RUNX1: variants seen among roughly 807,000 people sequenced by gnomAD.
RUNX1 encodes the protein runt-related transcription factor 1.
Under a neutral mutation model 42.8 loss-of-function variants are expected in RUNX1, and 19 were observed. The ratio of observed to expected loss-of-function variants is 0.44; its 90% CI spans 0.31 to 0.65. The LOEUF (loss-of-function observed/expected upper bound fraction) is 0.65. Among genes scored for constraint, RUNX1 ranks in the 30% least tolerant of loss-of-function variants. The pLI is 0.07. For missense variants in RUNX1, 528 were observed against 672.0 expected, an observed-to-expected ratio of 0.79 and a Z score of 2.37; for synonymous variants, 271 against 289.4, an observed-to-expected ratio of 0.94 and a Z score of 0.64.
intron 2 of RUNX1, among the ~76,000 whole-genome samples, chr21:35,008,422 G>C (rs533284554): frequency 6.6e-6 from 1 of 152,200 alleles, no homozygotes; most frequent in Non-Finnish European, 1.5e-5. Flanking sequence ...ATACGTGAGG[G>C]TGACTTGAGG....
chr21:34,816,899 G>A (rs190977377), intron 7 of RUNX1, among the ~76,000 whole-genome samples: 1 of 152,152 alleles, frequency 6.6e-6, no homozygotes, highest in African/African-American at 2.4e-5. Context: ...GCACCTTGTG[G>A]CCCAGAACAA....
At chr21:34,821,516 C>T (rs1357569350) in intron 7 of RUNX1, 2 of 1,502,184 alleles carry the variant, frequency 1.3e-6, no homozygotes, top group African/African-American at 1.4e-5. Flanking sequence ...GGAGAAGGGA[C>T]ACGGAGGAAT....
intron 2 of RUNX1, among the ~76,000 whole-genome samples, chr21:34,930,015 T>C (rs1190803969): frequency 6.6e-6 from 1 of 151,528 alleles, no homozygotes; most frequent in African/African-American, 2.4e-5. Flanking sequence ...ATGAATGACA[T>C]ATGTTTCAAG....
intron 2 of RUNX1, among the ~76,000 whole-genome samples, chr21:34,912,447 T>C (rs2058279831): frequency 6.6e-6 from 1 of 152,022 alleles, no homozygotes; most frequent in Non-Finnish European, 1.5e-5. Context: ...TCTGGCATAG[T>C]GGCAACCACA....
chr21:34,913,157 C>T (rs934236754), intron 2 of RUNX1, among the ~76,000 whole-genome samples: 19 of 152,190 alleles, frequency 1.2e-4, no homozygotes, highest in African/African-American at 3.9e-4. Flanking sequence ...TGCTTGAACC[C>T]GGGAGATGGA....
intron 2 of RUNX1, among the ~76,000 whole-genome samples, chr21:34,976,651 T>C (rs139678435): frequency 1.4e-4 from 22 of 152,268 alleles, no homozygotes; most frequent in Non-Finnish European, 3.1e-4. Flanking sequence ...CCTAGCCAAA[T>C]AGGTTGACAA....
At chr21:34,808,691 G>A (rs2056717237) in intron 7 of RUNX1, among the ~76,000 whole-genome samples, 1 of 152,174 alleles carries the variant, frequency 6.6e-6, no homozygotes. Flanking sequence ...AACGCAAAAT[G>A]CAATTCCTCA....
intron 2 of RUNX1, among the ~76,000 whole-genome samples, chr21:35,014,277 G>A (rs991621805): frequency 3.9e-5 from 6 of 152,076 alleles, no homozygotes; most frequent in Non-Finnish European, 5.9e-5. Flanking sequence ...TTCATGTTGC[G>A]TGCCATACAT....
chr21:35,022,472 CAT>C (rs1395273605), intron 2 of RUNX1, among the ~76,000 whole-genome samples: 3 of 152,346 alleles, frequency 2.0e-5, no homozygotes, highest in South Asian at 4.1e-4. Context: ...TGACTTATAA[CAT>C]GTGCAGATTT....
At chr21:34,905,945 T>G (rs1601554704) in intron 2 of RUNX1, among the ~76,000 whole-genome samples, 1 of 152,210 alleles carries the variant, frequency 6.6e-6, no homozygotes, top group Admixed American at 6.5e-5. Flanking sequence ...GCCCTGAGTA[T>G]GTATACCTCA....
At chr21:34,998,811 G>A (rs1256842272) in intron 2 of RUNX1, among the ~76,000 whole-genome samples, 3 of 152,182 alleles carry the variant, frequency 2.0e-5, no homozygotes, top group Non-Finnish European at 4.4e-5. Context: ...AAAGTGCTGG[G>A]ATTACAGGCG....
At chr21:34,925,467 C>G (rs1228295682) in intron 2 of RUNX1, among the ~76,000 whole-genome samples, 1 of 152,136 alleles carries the variant, frequency 6.6e-6, no homozygotes, top group Non-Finnish European at 1.5e-5. Flanking sequence ...TGGGAAGACA[C>G]AGACACAATG....
At position 34,880,645 on chromosome 21, in the gene RUNX1, G is replaced by A. The variant is rs2146362481; in HGVS notation, c.420C>T (p.Tyr140=). ...CGGTAGCATTTCTCAGCTCAGCCGA[G>A]TAGTTTTCATCATTGCCAGCCATCA... is the stretch of plus-strand genomic sequence containing the variant. ...VTVMAGNDEN[Y]SAELRNATAA... is the part of the protein sequence containing the mutation. Residue 140 remains tyrosine, a synonymous_variant, in exon 5 of 9, where the codon TAC becomes TAT. Transcript: ENST00000675419. 1 of 1,614,112 alleles carries A rather than the reference G, an allele frequency of 6.2e-7. No individual in the cohort carries two copies. The highest frequency in any genetic ancestry group is 1.3e-5 in the African/African-American group (1 of 75,030).
intron 2 of RUNX1, among the ~76,000 whole-genome samples, chr21:34,940,781 G>A (rs2058521072): frequency 6.6e-6 from 1 of 152,202 alleles, no homozygotes; most frequent in South Asian, 2.1e-4. Flanking sequence ...AGTGGTGCAG[G>A]AATTTAGACA....
chr21:34,878,983 A>G (rs1437773261), intron 5 of RUNX1, among the ~76,000 whole-genome samples: 1 of 152,240 alleles, frequency 6.6e-6, no homozygotes, highest in Non-Finnish European at 1.5e-5. Context: ...TAGAAAAGCA[A>G]TTCAATGATA....
intron 2 of RUNX1, among the ~76,000 whole-genome samples, chr21:35,020,094 C>T (rs1352538745): frequency 6.6e-6 from 1 of 151,936 alleles, no homozygotes; most frequent in Non-Finnish European, 1.5e-5. Flanking sequence ...TGATTTAATA[C>T]TGTATATATA....
intron 2 of RUNX1, among the ~76,000 whole-genome samples, chr21:35,047,777 A>C (rs1568814798): frequency 6.6e-6 from 1 of 152,258 alleles, no homozygotes; most frequent in South Asian, 2.1e-4. Flanking sequence ...CCAGAAAATT[A>C]ATTATTCTCC....
intron 2 of RUNX1, among the ~76,000 whole-genome samples, chr21:34,903,585 G>A (rs1336386503): frequency 6.6e-6 from 1 of 152,158 alleles, no homozygotes; most frequent in Non-Finnish European, 1.5e-5. Flanking sequence ...TCCAGAGTAA[G>A]ACCTTGATCT....
chr21:35,019,871 C>A (rs893031367), intron 2 of RUNX1, among the ~76,000 whole-genome samples: 1 of 152,184 alleles, frequency 6.6e-6, no homozygotes, highest in East Asian at 1.9e-4. Context: ...CTTCAACTTT[C>A]TCCTGACCCC....
Sources: gnomAD v4.1 joint callset for allele counts (sites outside exome capture counted in the v4.1 genomes callset) on GRCh38, gnomAD v4.1.1 for gene constraint, MANE v1.5 for transcripts, NCBI Gene and HGNC (gene_info 2026-07-23, HGNC 2026-07-21) for gene names.